Variants in TTN observed in about 807,000 individuals in gnomAD.
The protein encoded by TTN is connectin.
In TTN, 1,525 loss-of-function variants were observed where a neutral mutation model predicts 3,223.0. The ratio of observed to expected loss-of-function variants is 0.47; its 90% confidence interval spans 0.45 to 0.49. TTN has a LOEUF of 0.49. TTN is among the 20% of genes least tolerant of loss of function. The probability of loss-of-function intolerance (pLI) is 0.00; values close to 1 mark genes in which losing one functional copy is unlikely to be tolerated. For synonymous variants in TTN, 14,094 were observed against 15,161.0 expected (o/e 0.93, Z 5.17); for missense variants, 40,786 against 43,424.0 (o/e 0.94, Z 5.40).
chr2:178,668,364 T>C (rs191681098), intron 159 of TTN, among the ~76,000 whole-genome samples: 1 of 152,230 alleles, frequency 6.6e-6, no homozygotes, highest in African/African-American at 2.4e-5. Flanking sequence ...ATTATATTAT[T>C]TTATCCCAAC....
rs1196320491 is a variant in TTN, at chr2:178,739,213, C to G, written c.14020G>C (p.Glu4674Gln). Residue 4674 changes from glutamate (E) to glutamine (Q), a missense_variant, in exon 48 of 363, where the codon GAG becomes CAG. By Grantham distance (29) the Glu-to-Gln change is conservative. Transcript: ENST00000589042. ...DKVNTEDHQG[E>Q]YVCEALNDSG... ...TCATTCAAGGCCTCACAGACATACT[C>G]TCCTTGATGGTCTTCGGTATTTACT... 6.4e-7 allele frequency: 1 copy of G among 1,565,722 alleles called. No homozygotes were observed.
chr2:178,678,190 T>A lies in TTN; in HGVS notation c.33929A>T (p.Lys11310Met). 6.2e-7 allele frequency: 1 copy of A among 1,610,752 alleles called. No homozygotes were observed. The change falls in exon 145 of 363, where the codon AAG (lysine) becomes ATG (methionine). Residue 11310 changes from lysine (K) to methionine (M), a missense_variant. Physicochemically the swap from Lys to Met is moderately conservative, Grantham distance 95 (BLOSUM62 -1). Coordinates refer to ENST00000589042, the MANE Select transcript of TTN (RefSeq NM_001267550.2). ...PPAKVPEVPK[K>M]LIPEEKKPTP... is the part of the protein sequence containing the mutation. ...TGGTTTCTTTTCTTCTGGGATGAGC[T>A]TCTTGGGCACCTCTGGCACTTTAAA...
chr2:178,556,599 A>G (rs913441795), intron 330 of TTN: 2 of 512,090 alleles, frequency 3.9e-6, no homozygotes, highest in African/African-American at 3.9e-5. Context: ...ACAATCAATC[A>G]TAAAAGGTTG....
chr2:178,732,011 G>A, intron 57 of TTN, 40 bp from the exon 58 acceptor site: 24 of 1,590,132 alleles, frequency 1.5e-5, no homozygotes, highest in Non-Finnish European at 1.9e-5. Context: ...AGGGAGGAGG[G>A]GTCTGTGCCA....
chr2:178,631,306 AG>A lies in TTN; in HGVS notation c.43748-7del, dbSNP rs767783045. On this transcript the variant is annotated splice_region_variant and splice_polypyrimidine_tract_variant and intron_variant, in intron 236 of 362. Transcript: ENST00000589042. ...TGTAAAATATGGGTCTCCCTCTGCA[AG>A]TAAAGTATAAGTGAAAAGCTTTTAT... 6.2e-7 allele frequency: 1 copy of A among 1,600,168 alleles called. No homozygotes were observed. Among genetic ancestry groups the A allele is most frequent in the East Asian group, 2.2e-5 (1 of 44,490 alleles).
chr2:178,527,316 A>T lies in TTN; in HGVS notation c.107681-9T>A. 6.3e-7 allele frequency: 1 copy of T among 1,581,068 alleles called. No homozygotes were observed. Among genetic ancestry groups the T allele is most frequent in the Non-Finnish European group, 8.6e-7 (1 of 1,164,544 alleles). On this transcript the variant is annotated splice_polypyrimidine_tract_variant and intron_variant, in intron 362 of 362. Transcript: ENST00000589042. ...AATTTTAGGCGGAATTCCTTTATGGAACAATGACAAAAAAAAGGTCTTAGA... is the reference window on the plus strand; with the variant it reads ...AATTTTAGGCGGAATTCCTTTATGGTACAATGACAAAAAAAAGGTCTTAGA...
rs767355469 is a variant in TTN, at chr2:178,647,398, T to G, written c.40124A>C (p.Glu13375Ala). 3.2e-6 allele frequency: 5 copies of G among 1,549,686 alleles called. No homozygotes were observed. In the South Asian group the frequency reaches 6.0e-5, roughly 18 times the overall value. ...EVSVPIPAEP[E>A]VPPAEVEETP... ...CCGTGTACCTTCAGCAGGTGGAACT[T>G]CTGGCTCTGCAGGGATAGGCACAGA... Residue 13375 changes from glutamate (E) to alanine (A), a missense_variant, in exon 214 of 363, where the codon GAA becomes GCA. By Grantham distance (107) the Glu-to-Ala change is moderately radical. Coordinates refer to ENST00000589042, the MANE Select transcript of TTN (RefSeq NM_001267550.2).
At chr2:178,673,764 C>A in intron 151 of TTN, 54 bp from the exon 152 acceptor site, 1 of 1,214,344 alleles carries the variant, frequency 8.2e-7, no homozygotes, top group Non-Finnish European at 1.2e-6. Flanking sequence ...GAGCAGAACA[C>A]CACCCATATA....
chr2:178,646,449 A>G (rs1002984426), intron 216 of TTN, 36 bp downstream of exon 216: 31 of 1,368,008 alleles, frequency 2.3e-5, no homozygotes, highest in African/African-American at 2.9e-5. Context: ...GAGAAAGAAT[A>G]TGATAAAGAA....
rs397517620 is a variant in TTN at position 178,604,051 on chromosome 2, A to G, written c.54636T>C (p.Tyr18212=). The G allele has an allele frequency of 4.3e-6, 7 of 1,612,926 alleles. No homozygotes were observed. Among genetic ancestry groups the G allele is most frequent in the South Asian group, 1.1e-5 (1 of 91,008 alleles). ...TTGGTGCTCGGCTAACACGTGACCA[A>G]TAAGGACTTCCCTCTTCTCTTTTCT... is the stretch of plus-strand genomic sequence containing the variant. ...WLEKREEGSP[Y]WSRVSRAPIT... is the part of the protein sequence containing the mutation. Residue 18212 remains tyrosine (Y), a synonymous_variant, in exon 282 of 363, where the codon TAT becomes TAC. Coordinates refer to ENST00000589042, the MANE Select transcript of TTN (RefSeq NM_001267550.2).
intron 149 of TTN, 135 bp from the exon 150 acceptor site, chr2:178,675,248 A>G: frequency 1.9e-6 from 1 of 539,906 alleles, no homozygotes; most frequent in Non-Finnish European, 3.2e-6. Context: ...GACATTTCAC[A>G]GAATCGGTTA....
At chr2:178,768,184 AT>A in intron 38 of TTN, 29 bp from the exon 39 acceptor site, 1 of 1,611,134 alleles carries the variant, frequency 6.2e-7, no homozygotes, top group Non-Finnish European at 8.5e-7. Flanking sequence ...AAAAATTAAC[AT>A]TTTTAACAGC....
At chr2:178,528,236 C>T (rs752182800) in intron 361 of TTN, 38 bp downstream of exon 361, 62 of 1,597,414 alleles carry the variant, frequency 3.9e-5, no homozygotes, top group Non-Finnish European at 5.1e-5. Context: ...ATCTAAAGGC[C>T]TTAAACATGT....
intron 96 of TTN, among the ~76,000 whole-genome samples, chr2:178,711,600 G>A (rs1224547058): frequency 6.6e-6 from 1 of 152,160 alleles, no homozygotes; most frequent in Non-Finnish European, 1.5e-5. Flanking sequence ...GTTGGCTGAA[G>A]GCATGTCTCT....
At position 178,634,359 on chromosome 2, in the gene TTN, C is replaced by T. The variant is rs772004291; in HGVS notation, c.42415+7G>A. ...TGGGATGTCACAGATCTCATTAGCTCGCTTACCTGTGACAAACAACCGAGC... is the reference window on the plus strand; with the variant it reads ...TGGGATGTCACAGATCTCATTAGCTTGCTTACCTGTGACAAACAACCGAGC... On this transcript the variant is annotated splice_region_variant and intron_variant, in intron 230 of 362. Transcript: ENST00000589042. The surrounding 1 kb of genome is among the most constrained non-coding windows in gnomAD (Gnocchi z 4.6). 2.9e-5 allele frequency: 46 copies of T among 1,599,420 alleles called. No homozygotes were observed. The highest frequency in any genetic ancestry group is 2.2e-4 in the African/African-American group (16 of 73,616).
At chr2:178,799,156 C>T (rs2093919453) in intron 6 of TTN, 2 of 329,642 alleles carry the variant, frequency 6.1e-6, no homozygotes, top group South Asian at 3.2e-5. Flanking sequence ...GGCCTGTGCC[C>T]ATGGACCTAG....
Position 178,650,731 on chromosome 2 carries a change from A to T in TTN, c.39709+20T>A. The stretch of plus-strand genomic sequence containing the variant: ...ATAGTCGCAAGTGGCAAGGTCATTA[A>T]TCACCGGTCTCACGTGTACCTTCTG... On this transcript the variant is annotated intron_variant, in intron 209 of 362. Coordinates refer to ENST00000589042, the MANE Select transcript of TTN (RefSeq NM_001267550.2). The T allele has an allele frequency of 5.7e-6, 9 of 1,579,148 alleles. No homozygotes were observed. Among genetic ancestry groups the T allele is most frequent in the Non-Finnish European group, 7.7e-6 (9 of 1,162,424 alleles).
In TTN at chr2:178,786,105, C is replaced by G. The variant is rs1320087550; in HGVS notation, c.2113G>C (p.Val705Leu). The G allele has an allele frequency of 6.2e-7, 1 of 1,613,900 alleles. No homozygotes were observed. Among genetic ancestry groups the G allele is most frequent in the African/African-American group, 1.3e-5 (1 of 74,930 alleles). ...CGGGCCTGGTCTACTGCAGCAACAA[C>G]TGTTGCTACAGCTTCAGCCTTTTTT... The part of the protein sequence containing the change: ...VGKKAEAVAT[V>L]VAAVDQARVR... Residue 705 changes from valine to leucine, a missense_variant, in exon 14 of 363, where the codon GTT (valine) becomes CTT (leucine). By Grantham distance (32) the Val-to-Leu change is conservative. Coordinates refer to ENST00000589042, the MANE Select transcript of TTN (RefSeq NM_001267550.2).
rs377614000 is a variant in TTN, at chr2:178,562,154, G to A, written c.83978C>T (p.Thr27993Ile). ...CTGACCATCTTTTCTCCAGTTCACA[G>A]TAGCTTGAGGTCTTCCTTTGAATGG... ...DVPFKGRPQA[T>I]VNWRKDGQTL... Residue 27993 changes from threonine to isoleucine, a missense_variant, in exon 326 of 363, where the codon ACT becomes ATT. Coordinates refer to ENST00000589042, the MANE Select transcript of TTN (RefSeq NM_001267550.2). The A allele has an allele frequency of 6.2e-7, 1 of 1,613,138 alleles. No individual in the cohort carries two copies.
Sources: allele counts gnomAD v4.1 joint callset (sites outside exome capture counted in the v4.1 genomes callset), GRCh38; gene constraint gnomAD v4.1.1; non-coding constraint Gnocchi (gnomAD v3.1); transcripts MANE v1.5; gene names NCBI Gene and HGNC (gene_info 2026-07-23, HGNC 2026-07-21).